The following SULT1A1 variants were observed in gnomAD, a reference collection of about 807,000 sequenced individuals.
SULT1A1 encodes sulfotransferase 1A1.
SULT1A1 carries 35 observed loss-of-function variants against 36.8 expected under a neutral mutation model. The ratio of observed to expected loss-of-function variants is 0.95; its 90% CI spans 0.73 to 1.26. The LOEUF (loss-of-function observed/expected upper bound fraction) is 1.26. SULT1A1 is among the 50% of genes most tolerant of loss of function. SULT1A1 has a pLI of 0.00. For missense variants in SULT1A1, 309 were observed against 383.0 expected (o/e 0.81, Z 1.61); for synonymous variants, 119 against 146.0 (o/e 0.82, Z 1.33).
rs1260467142 is a variant in SULT1A1 at position 28,609,235 on chromosome 16, G to A, written c.-4-376C>T. On this transcript the variant is annotated intron_variant, in intron 1 of 7. Coordinates refer to ENST00000314752, the MANE Select transcript of SULT1A1 (RefSeq NM_001055.4). ...CTGTGCTGTCTCCCTGCCAGCCAGC[G>A]CCCTTTGTCTCACCACTTCCTGCTG... 70 of 1,272,004 alleles carry A rather than the reference G, an allele frequency of 5.5e-5. 2 individuals are homozygous for A. Among genetic ancestry groups the A allele is most frequent in the South Asian group, 6.0e-5 (4 of 67,118 alleles). 78.8% of individuals were successfully genotyped at this position (1,272,004 alleles called of 1,614,324 possible).
At chr16:28,620,765 T>C (rs989987965) in intron 1 of SULT1A1, among the ~76,000 whole-genome samples, 13 of 152,196 alleles carry the variant, frequency 8.5e-5, no homozygotes, top group Non-Finnish European at 1.0e-4. Flanking sequence ...CCAAACATTT[T>C]GTGAAAAGTT....
chr16:28,622,829 A>T (rs1257466607), intron 1 of SULT1A1, among the ~76,000 whole-genome samples: 2 of 151,716 alleles, frequency 1.3e-5, no homozygotes, highest in African/African-American at 4.8e-5. Context: ...CCTACACCCA[A>T]CCCCAGAGTC....
chr16:28,609,127 C>T lies in SULT1A1; in HGVS notation c.-4-268G>A. On this transcript the variant is annotated intron_variant, in intron 1 of 7. Coordinates refer to ENST00000314752, the MANE Select transcript of SULT1A1 (RefSeq NM_001055.4). Reference sequence around the variant, plus strand: ...CCATGGTGCAGACCAGTGAAAGCACCCTCGTCGGGCAAGGCCCAGATGTCA... The same window carrying T: ...CCATGGTGCAGACCAGTGAAAGCACTCTCGTCGGGCAAGGCCCAGATGTCA... 6 of 1,417,560 alleles carry T rather than the reference C, an allele frequency of 4.2e-6. No homozygotes were observed. In the South Asian group the frequency reaches 4.5e-5, roughly 11 times the overall value. The allele number at this position is 1,417,560 out of a possible 1,614,324, so 87.8% of individuals were successfully genotyped here.
intron 1 of SULT1A1, among the ~76,000 whole-genome samples, chr16:28,622,873 C>T (rs1456836034): frequency 6.6e-6 from 1 of 152,172 alleles, no homozygotes; most frequent in Non-Finnish European, 1.5e-5. Context: ...AATTCCTGAC[C>T]TGCTGTACCT....
At chr16:28,615,785 C>G (rs952435971) in intron 2 of SULT1A1, among the ~76,000 whole-genome samples, 1 of 152,212 alleles carries the variant, frequency 6.6e-6, no homozygotes, top group Non-Finnish European at 1.5e-5. Flanking sequence ...GGTAAGGTCA[C>G]GTGGGTCACG....
intron 1 of SULT1A1, chr16:28,623,002 G>A: frequency 7.8e-7 from 1 of 1,276,464 alleles, no homozygotes; most frequent in Non-Finnish European, 1.1e-6. Flanking sequence ...TCCGGTCTCA[G>A]AGCCCCGGCT....
At chr16:28,609,870 T>A (rs967308612) in intron 1 of SULT1A1, 61 bp downstream of exon 1, 1 of 1,233,370 alleles carries the variant, frequency 8.1e-7, no homozygotes, top group Non-Finnish European at 1.0e-6. Flanking sequence ...GCTTCTGGAA[T>A]GTTAGAGCCA....
chr16:28,606,492 A>G (rs4149392), intron 6 of SULT1A1, among the ~76,000 whole-genome samples: 51,423 of 150,410 alleles, frequency 0.34, 9,059 homozygotes, highest in Admixed American at 0.4. Context: ...GGCCCTGGGT[A>G]GCACACCCTT....
chr16:28,622,737 T>C (rs1402983836), intron 1 of SULT1A1, among the ~76,000 whole-genome samples: 4 of 152,132 alleles, frequency 2.6e-5, no homozygotes, highest in African/African-American at 9.7e-5. Flanking sequence ...GCTATGGCCT[T>C]GAACTGGGAT....
intron 6 of SULT1A1, 114 bp from the exon 7 acceptor site, chr16:28,606,350 C>T: frequency 1.3e-6 from 2 of 1,553,612 alleles, no homozygotes; most frequent in Non-Finnish European, 1.8e-6. Flanking sequence ...AGAAACCCTG[C>T]AGAGCCAACT....
At chr16:28,620,044 T>C (rs200824873) in intron 2 of SULT1A1, 191 of 1,609,790 alleles carry the variant, frequency 1.2e-4, no homozygotes, top group Non-Finnish European at 1.6e-4. Flanking sequence ...CTGATAACAT[T>C]TTCAAACGCC....
At chr16:28,617,702 T>C (rs2047573139) in intron 2 of SULT1A1, among the ~76,000 whole-genome samples, 1 of 152,020 alleles carries the variant, frequency 6.6e-6, no homozygotes, top group Admixed American at 6.6e-5. Context: ...CCACCATGCC[T>C]GGCTAATTTT....
Position 28,608,865 on chromosome 16 carries a change from T to C in SULT1A1, c.-4-6A>G, listed in dbSNP as rs1309967647. ...CCTGGATCAGCTCCATGTTCCTGCGTCAGGGGCCAGAGCCAGGCCCGTTCC... is the reference window on the plus strand; with the variant it reads ...CCTGGATCAGCTCCATGTTCCTGCGCCAGGGGCCAGAGCCAGGCCCGTTCC... On this transcript the variant is annotated splice_polypyrimidine_tract_variant and splice_region_variant and intron_variant, in intron 1 of 7. Coordinates refer to ENST00000314752, the MANE Select transcript of SULT1A1 (RefSeq NM_001055.4). 6.2e-7 allele frequency: 1 copy of C among 1,611,472 alleles called. No individual in the cohort carries two copies. Among genetic ancestry groups the C allele is most frequent in the South Asian group, 1.1e-5 (1 of 90,942 alleles).
At chr16:28,617,515 G>C (rs901513977) in intron 2 of SULT1A1, among the ~76,000 whole-genome samples, 4 of 151,932 alleles carry the variant, frequency 2.6e-5, no homozygotes, top group Non-Finnish European at 5.9e-5. Context: ...ACCTAGGACA[G>C]CACCTGGAAG....
intron 1 of SULT1A1, among the ~76,000 whole-genome samples, chr16:28,621,261 TA>T (rs2047647831): frequency 2.6e-5 from 4 of 151,530 alleles, no homozygotes; most frequent in Admixed American, 1.3e-4. Flanking sequence ...ATGGGCAGAT[TA>T]CTTGAGTTCA....
intron 2 of SULT1A1, among the ~76,000 whole-genome samples, chr16:28,616,765 C>CA (rs2047555962): frequency 6.6e-6 from 1 of 152,146 alleles, no homozygotes; most frequent in Admixed American, 6.6e-5. Context: ...AATAACCCCC[C>CA]ACTCTGGTTT....
chr16:28,618,869 A>G (rs1348310329), intron 2 of SULT1A1, among the ~76,000 whole-genome samples: 3 of 152,168 alleles, frequency 2.0e-5, no homozygotes, highest in African/African-American at 2.4e-5. Flanking sequence ...TACCATCCTT[A>G]TTTTGCAAAT....
intron 4 of SULT1A1, 139 bp from the exon 5 acceptor site, chr16:28,607,216 A>G (rs979837089): frequency 6.8e-7 from 1 of 1,468,552 alleles, no homozygotes; most frequent in Non-Finnish European, 9.2e-7. Flanking sequence ...GGTAGGGCCA[A>G]GTCAGGAGCT....
intron 2 of SULT1A1, among the ~76,000 whole-genome samples, chr16:28,616,615 G>A (rs1283956991): frequency 6.6e-6 from 1 of 152,024 alleles, no homozygotes; most frequent in Non-Finnish European, 1.5e-5. Flanking sequence ...TACAGACAGG[G>A]TCTTGCTATG....
Sources: gnomAD v4.1 joint callset for allele counts (sites outside exome capture counted in the v4.1 genomes callset) on GRCh38, gnomAD v4.1.1 for gene constraint, MANE v1.5 for transcripts, NCBI Gene and HGNC (gene_info 2026-07-23, HGNC 2026-07-21) for gene names.